The following EYS variants were observed in gnomAD, a reference collection of about 807,000 sequenced individuals.
EYS encodes the protein protein eyes shut homolog.
Under a neutral mutation model 282.1 loss-of-function variants are expected in EYS, and 250 were observed. That is an observed-to-expected ratio of 0.89 (90% CI 0.80 to 0.98). The LOEUF (loss-of-function observed/expected upper bound fraction) is 0.98, where lower values mean the gene tolerates loss of function less well. EYS is among the 50% of genes least tolerant of loss of function. The pLI, the probability that EYS is intolerant of heterozygous loss-of-function variation, is 0.00. For synonymous variants in EYS, 1,355 were observed against 1,282.9 expected (o/e 1.06, Z -1.20); for missense variants, 4,016 against 3,709.0 (o/e 1.08, Z -2.15).
intron 41 of EYS, among the ~76,000 whole-genome samples, chr6:63,743,895 A>T (rs1769145023): frequency 6.6e-6 from 1 of 152,214 alleles, no homozygotes; most frequent in Non-Finnish European, 1.5e-5. Flanking sequence ...CTCTAGCAGT[A>T]ATGGGTGAGG....
chr6:64,321,610 A>G (rs1770222311), intron 29 of EYS, among the ~76,000 whole-genome samples: 2 of 151,922 alleles, frequency 1.3e-5, no homozygotes, highest in Non-Finnish European at 1.5e-5. Flanking sequence ...CCTACTAAGT[A>G]TTTATTAGTT....
intron 31 of EYS, among the ~76,000 whole-genome samples, chr6:64,090,724 A>G (rs1010105412): frequency 6.6e-6 from 1 of 152,166 alleles, no homozygotes; most frequent in Non-Finnish European, 1.5e-5. Context: ...TTCAAATAAC[A>G]ATTTTGTCAT....
intron 1 of EYS, among the ~76,000 whole-genome samples, chr6:65,683,770 C>T (rs1768912602): frequency 6.6e-6 from 1 of 151,924 alleles, no homozygotes; most frequent in Admixed American, 6.6e-5. Context: ...TATTTTCTTC[C>T]ACAACCCACT....
At chr6:65,671,664 C>G (rs1291562683) in intron 1 of EYS, among the ~76,000 whole-genome samples, 2 of 152,024 alleles carry the variant, frequency 1.3e-5, no homozygotes, top group African/African-American at 2.4e-5. Flanking sequence ...GTGAGAAACC[C>G]AGAGACCAGC....
intron 12 of EYS, among the ~76,000 whole-genome samples, chr6:65,128,560 G>T (rs557056387): frequency 2.0e-4 from 30 of 152,044 alleles, no homozygotes; most frequent in African/African-American, 6.7e-4. Flanking sequence ...AATCAAGAAT[G>T]CAATTCTATT....
intron 2 of EYS, among the ~76,000 whole-genome samples, chr6:65,505,957 A>G (rs764766132): frequency 6.6e-6 from 1 of 152,070 alleles, no homozygotes; most frequent in East Asian, 1.9e-4. Context: ...TGCTTGGCTT[A>G]TCAGTTACAA....
At chr6:65,085,466 G>C (rs1774338778) in intron 12 of EYS, among the ~76,000 whole-genome samples, 1 of 152,130 alleles carries the variant, frequency 6.6e-6, no homozygotes, top group South Asian at 2.1e-4. Flanking sequence ...CCATCACTGT[G>C]CTTCAAGCCA....
At chr6:63,863,638 T>TTTTTTTCTTTTC (rs1488816876) in intron 36 of EYS, among the ~76,000 whole-genome samples, 1 of 123,748 alleles carries the variant, frequency 8.1e-6, no homozygotes, top group African/African-American at 3.2e-5. Context: ...TCATTACCAC[T>TTTTTTTCTTTTC]TTTTCTTTTC....
At chr6:64,324,811 T>G (rs1444273483) in intron 29 of EYS, among the ~76,000 whole-genome samples, 1 of 152,186 alleles carries the variant, frequency 6.6e-6, no homozygotes, top group Non-Finnish European at 1.5e-5. Flanking sequence ...TATATTTCTA[T>G]GTATCAATAA....
intron 36 of EYS, among the ~76,000 whole-genome samples, chr6:63,847,402 TC>T (rs910903746): frequency 5.3e-5 from 8 of 152,136 alleles, no homozygotes; most frequent in African/African-American, 1.9e-4. Flanking sequence ...TTCCTTCCTC[TC>T]CCTTTTTCTC....
At chr6:64,279,731 C>T (rs144457372) in intron 30 of EYS, among the ~76,000 whole-genome samples, 38 of 152,288 alleles carry the variant, frequency 2.5e-4, no homozygotes, top group African/African-American at 8.7e-4. Context: ...CTGTCTCCCA[C>T]CACACAGAGA....
chr6:64,519,974 T>G (rs1777679500), intron 26 of EYS, among the ~76,000 whole-genome samples: 1 of 151,768 alleles, frequency 6.6e-6, no homozygotes, highest in South Asian at 2.1e-4. Flanking sequence ...AGGGTTGAAT[T>G]TAGCAAGAAA....
At chr6:64,589,392 T>A (rs1228273645) in intron 26 of EYS, among the ~76,000 whole-genome samples, 1 of 152,074 alleles carries the variant, frequency 6.6e-6, no homozygotes, top group African/African-American at 2.4e-5. Flanking sequence ...ATAAGTTTAT[T>A]GTCAAAGGAA....
chr6:64,695,685 A>G (rs904701483), intron 22 of EYS, among the ~76,000 whole-genome samples: 1 of 151,422 alleles, frequency 6.6e-6, no homozygotes, highest in Non-Finnish European at 1.5e-5. Context: ...CCCGGGTTCA[A>G]GTGATTCTCC....
chr6:63,769,285 G>C (rs1769874281), intron 40 of EYS, among the ~76,000 whole-genome samples: 1 of 151,768 alleles, frequency 6.6e-6, no homozygotes, highest in Non-Finnish European at 1.5e-5. Context: ...TGATAAAATA[G>C]CTTTTTTTTT....
chr6:63,963,341 T>A (rs1214286173), intron 35 of EYS, among the ~76,000 whole-genome samples: 1 of 152,126 alleles, frequency 6.6e-6, no homozygotes, highest in Non-Finnish European at 1.5e-5. Context: ...ATGAACTCTT[T>A]AACTTTATAA....
At chr6:64,252,048 G>C (rs1336177231) in intron 30 of EYS, among the ~76,000 whole-genome samples, 1 of 152,102 alleles carries the variant, frequency 6.6e-6, no homozygotes, top group Non-Finnish European at 1.5e-5. Context: ...GATGGATTTA[G>C]AAGTCAGTAT....
In EYS at chr6:63,984,586, C is replaced by T; in HGVS notation, c.6852G>A (p.Met2284Ile). ...CATTTGCAGGAATATGGCCAAGGAA[C>T]ATTGATTCAAAATATGCCTGTAGAA... ...SHASQAYFES[M>I]FLGHIPANVQ... The change falls in exon 35 of 43, where the codon ATG becomes ATA. Residue 2284 changes from methionine to isoleucine, a missense_variant. Met to Ile is a conservative substitution (Grantham distance 10). Transcript: ENST00000503581. The T allele has an allele frequency of 1.9e-6, 3 of 1,548,574 alleles. No homozygotes were observed. The highest frequency in any genetic ancestry group is 2.6e-6 in the Non-Finnish European group (3 of 1,144,842).
At chr6:63,952,893 G>A (rs780394498) in intron 35 of EYS, among the ~76,000 whole-genome samples, 2 of 152,020 alleles carry the variant, frequency 1.3e-5, no homozygotes, top group Admixed American at 6.6e-5. Context: ...TGCTTTAAAA[G>A]GATTAAAGCC....
Sources: gnomAD v4.1 joint callset for allele counts (sites outside exome capture counted in the v4.1 genomes callset) on GRCh38, gnomAD v4.1.1 for gene constraint, MANE v1.5 for transcripts, NCBI Gene and HGNC (gene_info 2026-07-23, HGNC 2026-07-21) for gene names.